AUTS2: variants seen among roughly 807,000 people sequenced by gnomAD.
The protein encoded by AUTS2 is autism susceptibility gene 2 protein.
Under a neutral mutation model 112.4 loss-of-function variants are expected in AUTS2, and 17 were observed. The observed-to-expected ratio is 0.15, with a 90% CI of 0.10 to 0.23. The LOEUF is 0.23. AUTS2 is among the 10% of genes least tolerant of loss of function. AUTS2 has a pLI of 1.00. For missense variants in AUTS2, 1,510 were observed against 1,701.6 expected (o/e 0.89, Z 1.98); for synonymous variants, 751 against 702.7 (o/e 1.07, Z -1.09).
chr7:70,777,041 A>G, intron 13 of AUTS2, 62 bp from the exon 14 acceptor site: 1 of 1,524,808 alleles, frequency 6.6e-7, no homozygotes. Context: ...GCTTTGGGGA[A>G]ATTGAAGGTG....
intron 5 of AUTS2, among the ~76,000 whole-genome samples, chr7:70,517,262 A>G (rs1799453774): frequency 6.6e-6 from 1 of 152,204 alleles, no homozygotes; most frequent in African/African-American, 2.4e-5. Flanking sequence ...GAGGTTCTCA[A>G]GAGGGTTTCT....
intron 1 of AUTS2, among the ~76,000 whole-genome samples, chr7:69,871,069 CT>C (rs1323535921): frequency 6.6e-6 from 1 of 152,114 alleles, no homozygotes; most frequent in Non-Finnish European, 1.5e-5. Context: ...TTTTATTTCA[CT>C]TGTTGATATG....
At chr7:70,406,783 A>C (rs1794555256) in intron 4 of AUTS2, among the ~76,000 whole-genome samples, 1 of 152,244 alleles carries the variant, frequency 6.6e-6, no homozygotes. Context: ...GATGCGTTCC[A>C]GGGAGGATTT....
chr7:69,824,341 G>A (rs1024481056), intron 1 of AUTS2, among the ~76,000 whole-genome samples: 2 of 151,988 alleles, frequency 1.3e-5, no homozygotes, highest in East Asian at 1.9e-4. Flanking sequence ...CCTGGGAGGC[G>A]GAGCTTGCAG....
chr7:69,884,982 G>A (rs1025260846), intron 1 of AUTS2, among the ~76,000 whole-genome samples: 2 of 152,116 alleles, frequency 1.3e-5, no homozygotes, highest in Non-Finnish European at 2.9e-5. Flanking sequence ...CCTATATGAT[G>A]CCAAGGGAAA....
intron 1 of AUTS2, among the ~76,000 whole-genome samples, chr7:69,648,592 A>G (rs1795147709): frequency 6.6e-6 from 1 of 152,066 alleles, no homozygotes; most frequent in Admixed American, 6.5e-5. Flanking sequence ...ATAGTGTAGT[A>G]GAACAGTCTT....
intron 5 of AUTS2, among the ~76,000 whole-genome samples, chr7:70,523,291 G>A (rs1799715171): frequency 6.6e-6 from 1 of 152,194 alleles, no homozygotes; most frequent in Admixed American, 6.5e-5. Context: ...TTTGAAGAAT[G>A]GTTGAACTGC....
At chr7:70,298,242 G>A (rs1162746970) in intron 4 of AUTS2, among the ~76,000 whole-genome samples, 3 of 152,174 alleles carry the variant, frequency 2.0e-5, no homozygotes, top group Non-Finnish European at 2.9e-5. Context: ...ATGTTGGCCA[G>A]ACTGGTCTCG....
rs140210992 is a variant in AUTS2, at chr7:69,827,986, A to G, written c.310-71300A>G. On this transcript the variant is annotated intron_variant, in intron 1 of 18. Transcript: ENST00000342771. Reference sequence around the variant, plus strand: ...ACTGCCATGCCTCAAATCACATTACATAATACAGGCTGGGGACCAGCATTC... The same window carrying G: ...ACTGCCATGCCTCAAATCACATTACGTAATACAGGCTGGGGACCAGCATTC... Among the ~76,000 whole-genome samples, 5 of 152,366 alleles carry G rather than the reference A, an allele frequency of 3.3e-5. No homozygotes were observed. In the East Asian group the frequency reaches 7.7e-4, roughly 23 times the overall value.
intron 1 of AUTS2, among the ~76,000 whole-genome samples, chr7:69,737,364 G>A (rs1787077791): frequency 1.3e-5 from 2 of 152,120 alleles, no homozygotes; most frequent in South Asian, 2.1e-4. Flanking sequence ...TATCCTAATT[G>A]TATAGATGAG....
intron 5 of AUTS2, among the ~76,000 whole-genome samples, chr7:70,658,470 G>A (rs966830621): frequency 6.6e-6 from 1 of 152,212 alleles, no homozygotes; most frequent in African/African-American, 2.4e-5. Flanking sequence ...CCCTCACGGG[G>A]CTGATCCGCT....
At chr7:70,543,105 A>G (rs1026583222) in intron 5 of AUTS2, among the ~76,000 whole-genome samples, 16 of 152,138 alleles carry the variant, frequency 1.1e-4, no homozygotes, top group African/African-American at 3.9e-4. Context: ...AATATAATAT[A>G]AGTATGAGCT....
intron 5 of AUTS2, among the ~76,000 whole-genome samples, chr7:70,563,763 G>A (rs1011106979): frequency 9.2e-5 from 14 of 152,232 alleles, no homozygotes; most frequent in Admixed American, 7.2e-4. Flanking sequence ...CAGTGAGGAA[G>A]TGTGCTGCAT....
intron 4 of AUTS2, among the ~76,000 whole-genome samples, chr7:70,269,053 G>A (rs1415270811): frequency 6.6e-6 from 1 of 152,244 alleles, no homozygotes; most frequent in East Asian, 1.9e-4. Flanking sequence ...CTGTGCAGCT[G>A]TTCTTCAATA....
intron 4 of AUTS2, among the ~76,000 whole-genome samples, chr7:70,369,712 A>G (rs1259266162): frequency 1.3e-5 from 2 of 152,222 alleles, no homozygotes; most frequent in Non-Finnish European, 2.9e-5. Flanking sequence ...TAGTTGTTGC[A>G]TGAGAGAATG....
chr7:70,472,012 A>G (rs974628810), intron 5 of AUTS2, among the ~76,000 whole-genome samples: 10 of 152,290 alleles, frequency 6.6e-5, no homozygotes, highest in Middle Eastern at 3.4e-3. Context: ...TTTGCCCTCA[A>G]TAAGGCACCC....
chr7:70,136,013 A>AT (rs559479316), intron 4 of AUTS2, among the ~76,000 whole-genome samples: 545 of 148,894 alleles, frequency 3.7e-3, no homozygotes, highest in South Asian at 0.013. Context: ...ACATTCTAGT[A>AT]TTTTTTTTTT....
At chr7:70,110,980 T>C (rs957183299) in intron 2 of AUTS2, among the ~76,000 whole-genome samples, 1 of 147,904 alleles carries the variant, frequency 6.8e-6, no homozygotes, top group Non-Finnish European at 1.5e-5. Context: ...CAGGCCATTC[T>C]CCTGCCTCAG....
intron 5 of AUTS2, among the ~76,000 whole-genome samples, chr7:70,462,410 G>A (rs1797003011): frequency 1.3e-5 from 2 of 152,168 alleles, no homozygotes; most frequent in African/African-American, 2.4e-5. Context: ...GTGTAGTACA[G>A]TGTTAATAAA....
Sources: allele counts gnomAD v4.1 joint callset (sites outside exome capture counted in the v4.1 genomes callset), GRCh38; gene constraint gnomAD v4.1.1; transcripts MANE v1.5; gene names NCBI Gene and HGNC (gene_info 2026-07-23, HGNC 2026-07-21).